Variants in AGBL4 observed in about 807,000 individuals in gnomAD.
AGBL4 encodes the protein cytosolic carboxypeptidase 6.
Under a neutral mutation model 66.4 loss-of-function variants are expected in AGBL4, and 58 were observed. The ratio of observed to expected loss-of-function variants is 0.87; its 90% CI spans 0.71 to 1.09. The LOEUF is 1.09. Ranked by LOEUF, AGBL4 falls within the 50% of genes least tolerant of loss-of-function variation. AGBL4 has a pLI of 0.00. For synonymous variants in AGBL4, 234 were observed against 222.9 expected, an observed-to-expected ratio of 1.05 and a Z score of -0.44; for missense variants, 579 against 631.0, an observed-to-expected ratio of 0.92 and a Z score of 0.88.
intron 3 of AGBL4, among the ~76,000 whole-genome samples, chr1:49,566,000 C>A (rs1354434185): frequency 1.3e-5 from 2 of 152,138 alleles, no homozygotes; most frequent in African/African-American, 4.8e-5. Flanking sequence ...TTGTTCATTT[C>A]TTTTTGTTCT....
intron 3 of AGBL4, among the ~76,000 whole-genome samples, chr1:49,279,712 CT>C (rs1265609995): frequency 6.6e-6 from 1 of 152,170 alleles, no homozygotes; most frequent in Non-Finnish European, 1.5e-5. Flanking sequence ...AATTATGTCA[CT>C]GAGAAAATTA....
chr1:49,588,148 A>G (rs982730639), intron 3 of AGBL4, among the ~76,000 whole-genome samples: 5 of 152,090 alleles, frequency 3.3e-5, no homozygotes, highest in African/African-American at 1.2e-4. Flanking sequence ...TCTCCTTACA[A>G]TCTTACAGCG....
At chr1:48,893,524 A>G (rs1014017277) in intron 5 of AGBL4, among the ~76,000 whole-genome samples, 1 of 151,600 alleles carries the variant, frequency 6.6e-6, no homozygotes, top group African/African-American at 2.4e-5. Context: ...TACTAAAAAT[A>G]CAAAAAAAAA....
intron 3 of AGBL4, among the ~76,000 whole-genome samples, chr1:49,392,376 G>A (rs781513448): frequency 1.4e-4 from 22 of 152,160 alleles, no homozygotes; most frequent in Non-Finnish European, 2.9e-4. Flanking sequence ...GGCAGCTGTG[G>A]AAAACACAGT....
chr1:49,354,292 A>C (rs183987026), intron 3 of AGBL4, among the ~76,000 whole-genome samples: 51 of 152,362 alleles, frequency 3.3e-4, no homozygotes, highest in African/African-American at 1.2e-3. Flanking sequence ...CCTGTTCCAC[A>C]GTGATGAATA....
intron 3 of AGBL4, among the ~76,000 whole-genome samples, chr1:49,435,218 A>G: frequency 6.6e-6 from 1 of 152,152 alleles, no homozygotes; most frequent in East Asian, 1.9e-4. Context: ...ATTACGTCTG[A>G]TTGTTCATCA....
intron 3 of AGBL4, among the ~76,000 whole-genome samples, chr1:49,484,098 CA>C (rs965241029): frequency 1.6e-4 from 25 of 151,972 alleles, no homozygotes; most frequent in Non-Finnish European, 2.8e-4. Context: ...CAGGCAATAA[CA>C]AATGCAAGTG....
intron 3 of AGBL4, among the ~76,000 whole-genome samples, chr1:49,374,853 T>A (rs1644438994): frequency 6.6e-6 from 1 of 152,166 alleles, no homozygotes; most frequent in Non-Finnish European, 1.5e-5. Flanking sequence ...CTAAATCTTT[T>A]AGTTGACCAT....
intron 6 of AGBL4, among the ~76,000 whole-genome samples, chr1:48,718,362 G>A (rs1647086547): frequency 2.0e-5 from 3 of 152,210 alleles, no homozygotes; most frequent in East Asian, 1.9e-4. Context: ...CAAGAGATTG[G>A]AGCCAACAAG....
chr1:49,877,232 G>C (rs1213410904), intron 1 of AGBL4, among the ~76,000 whole-genome samples: 1 of 150,948 alleles, frequency 6.6e-6, no homozygotes, highest in Non-Finnish European at 1.5e-5. Context: ...TCCCTGTCTT[G>C]TGCCGGTTTT....
At chr1:49,080,998 T>A (rs1644799984) in intron 4 of AGBL4, among the ~76,000 whole-genome samples, 1 of 152,180 alleles carries the variant, frequency 6.6e-6, no homozygotes, top group African/African-American at 2.4e-5. Context: ...TTTAATACAG[T>A]CATTATAATG....
At chr1:49,695,597 G>T (rs76550531) in intron 3 of AGBL4, among the ~76,000 whole-genome samples, 4,177 of 152,140 alleles carry the variant, frequency 0.027, 161 homozygotes, top group African/African-American at 0.095. Context: ...ACTGAAAAGG[G>T]AACTCTGCCA....
chr1:49,516,803 G>T (rs1220078313), intron 3 of AGBL4, among the ~76,000 whole-genome samples: 2 of 151,966 alleles, frequency 1.3e-5, no homozygotes, highest in South Asian at 4.2e-4. Flanking sequence ...AAAGCAGAGA[G>T]GAAAAGTAAT....
intron 6 of AGBL4, chr1:48,776,763 G>C: frequency 6.6e-7 from 1 of 1,526,110 alleles, no homozygotes; most frequent in Non-Finnish European, 8.8e-7. Context: ...GGGGGCTGAA[G>C]TCGCGCACGC....
chr1:48,955,362 G>A (rs992528706), intron 5 of AGBL4, among the ~76,000 whole-genome samples: 2 of 152,170 alleles, frequency 1.3e-5, no homozygotes, highest in Non-Finnish European at 2.9e-5. Context: ...CTTCATTCCC[G>A]GAGTAGCAGT....
intron 5 of AGBL4, among the ~76,000 whole-genome samples, chr1:49,038,640 C>T (rs931123414): frequency 6.6e-6 from 1 of 151,924 alleles, no homozygotes; most frequent in African/African-American, 2.4e-5. Flanking sequence ...CAAATCGAAA[C>T]AACAATGAGA....
At chr1:49,642,888 A>C (rs1645811486) in intron 3 of AGBL4, among the ~76,000 whole-genome samples, 1 of 151,998 alleles carries the variant, frequency 6.6e-6, no homozygotes, top group Admixed American at 6.6e-5. Flanking sequence ...TAAATGCAAA[A>C]ATATTCAGCA....
At chr1:49,161,272 A>G (rs747407527) in intron 4 of AGBL4, among the ~76,000 whole-genome samples, 15 of 152,156 alleles carry the variant, frequency 9.9e-5, no homozygotes, top group African/African-American at 1.9e-4. Flanking sequence ...TCCTCACAGC[A>G]CAGTCCCTCA....
At chr1:49,025,489 A>G (rs967064045) in intron 5 of AGBL4, 1 of 152,190 alleles carries the variant, frequency 6.6e-6, no homozygotes, top group African/African-American at 2.4e-5. Context: ...CCTCAGGGAT[A>G]TGGGGAGCAC....
Sources: gnomAD v4.1 joint callset for allele counts (sites outside exome capture counted in the v4.1 genomes callset) on GRCh38, gnomAD v4.1.1 for gene constraint, MANE v1.5 for transcripts, NCBI Gene and HGNC (gene_info 2026-07-23, HGNC 2026-07-21) for gene names.